Variants in NRG4 observed in about 807,000 individuals in gnomAD.
NRG4 encodes neuregulin 4.
Under a neutral mutation model 15.0 loss-of-function variants are expected in NRG4, and 10 were observed. The observed-to-expected ratio is 0.67, with a 90% confidence interval of 0.41 to 1.13. The LOEUF (loss-of-function observed/expected upper bound fraction) is 1.13, where lower values mean the gene tolerates loss of function less well. Among genes scored for constraint, NRG4 ranks in the 50% most tolerant of loss-of-function variants. The pLI is 0.00. For synonymous variants in NRG4, 41 were observed against 50.1 expected (o/e 0.82, Z 0.77); for missense variants, 139 against 140.2 (o/e 0.99, Z 0.04).
chr15:76,018,930 C>A (rs1207098932), intron 5 of NRG4, among the ~76,000 whole-genome samples: 1 of 152,130 alleles, frequency 6.6e-6, no homozygotes, highest in African/African-American at 2.4e-5. Flanking sequence ...GTGCCCACAG[C>A]CACCCCTTCC....
At position 76,043,894 on chromosome 15, in the gene NRG4, A is replaced by T. The variant is rs1406931122; in HGVS notation, c.-104-7903T>A. ...ATTACCTGACTTCAAATTACACTAC[A>T]GACCTACTGTAACCAAAACAGCATG... On this transcript the variant is annotated intron_variant, in intron 4 of 8. Transcript: ENST00000563910. Among the ~76,000 whole-genome samples, 6 of 152,292 alleles carry T rather than the reference A, an allele frequency of 3.9e-5. No homozygotes were observed. In the South Asian group the frequency reaches 8.3e-4, roughly 21 times the overall value.
chr15:76,023,418 C>A (rs1441224998), intron 5 of NRG4, among the ~76,000 whole-genome samples: 1 of 152,166 alleles, frequency 6.6e-6, no homozygotes, highest in African/African-American at 2.4e-5. Flanking sequence ...AAATGGTAAG[C>A]AGAAGAATCT....
At chr15:75,965,923 C>T (rs1374691580) in intron 3 of NRG4, among the ~76,000 whole-genome samples, 1 of 152,172 alleles carries the variant, frequency 6.6e-6, no homozygotes, top group Non-Finnish European at 1.5e-5. Context: ...ACTTCTGGAC[C>T]TTACTTCTGC....
chr15:76,041,835 T>A (rs1312649653), intron 4 of NRG4, among the ~76,000 whole-genome samples: 2 of 152,130 alleles, frequency 1.3e-5, no homozygotes, highest in Non-Finnish European at 2.9e-5. Context: ...ATGGACCAAA[T>A]AGATACTTAT....
intron 5 of NRG4, among the ~76,000 whole-genome samples, chr15:76,025,963 T>C (rs1019029990): frequency 6.7e-5 from 10 of 148,926 alleles, no homozygotes; most frequent in African/African-American, 2.5e-4. Flanking sequence ...TGAAGACAGG[T>C]CTTTTGAAGT....
At chr15:75,945,395 C>A (rs560510590) in intron 5 of NRG4, among the ~76,000 whole-genome samples, 1 of 151,546 alleles carries the variant, frequency 6.6e-6, no homozygotes, top group African/African-American at 2.4e-5. Flanking sequence ...GGATTACAGG[C>A]GCCCGCCACT....
chr15:76,014,525 G>T (rs2034916601), upstream of NRG4, among the ~76,000 whole-genome samples: 1 of 152,128 alleles, frequency 6.6e-6, no homozygotes, highest in Non-Finnish European at 1.5e-5. Context: ...TTTATATGAG[G>T]TGTAAGGAAG....
chr15:76,002,497 T>A (rs1046587324), intron 3 of NRG4, among the ~76,000 whole-genome samples: 3 of 152,150 alleles, frequency 2.0e-5, no homozygotes, highest in African/African-American at 4.8e-5. Context: ...CCTAGCCATA[T>A]CAGTAAGTTC....
chr15:75,981,128 T>C (rs374489314), intron 3 of NRG4, among the ~76,000 whole-genome samples: 1 of 152,212 alleles, frequency 6.6e-6, no homozygotes, highest in South Asian at 2.1e-4. Context: ...AGTGGCCCTA[T>C]GACTTGCTTT....
intron 3 of NRG4, among the ~76,000 whole-genome samples, chr15:75,967,019 G>A (rs558043520): frequency 6.6e-6 from 1 of 151,324 alleles, no homozygotes; most frequent in African/African-American, 2.4e-5. Context: ...GGAGGCTGAG[G>A]CAGGGAATTG....
At chr15:75,988,924 C>G (rs182222705) in intron 3 of NRG4, among the ~76,000 whole-genome samples, 26 of 141,342 alleles carry the variant, frequency 1.8e-4, no homozygotes, top group Middle Eastern at 4.0e-3. Flanking sequence ...GTGGTGTCAT[C>G]ATAACTCACT....
intron 4 of NRG4, among the ~76,000 whole-genome samples, chr15:76,039,381 G>A (rs926899253): frequency 6.6e-6 from 1 of 152,106 alleles, no homozygotes; most frequent in Non-Finnish European, 1.5e-5. Flanking sequence ...CACAGAGAAG[G>A]AATGCAGAAT....
intron 3 of NRG4, among the ~76,000 whole-genome samples, chr15:75,995,845 C>T (rs2034194739): frequency 6.6e-6 from 1 of 152,160 alleles, no homozygotes; most frequent in African/African-American, 2.4e-5. Context: ...CAGAGGCAAA[C>T]ATCGGCAGTG....
intron 3 of NRG4, among the ~76,000 whole-genome samples, chr15:75,996,224 G>A (rs2034209290): frequency 1.3e-5 from 2 of 152,120 alleles, no homozygotes; most frequent in African/African-American, 2.4e-5. Flanking sequence ...AGCTCTGTAA[G>A]CCTAATCAAT....
chr15:75,996,344 C>T (rs543585509), intron 3 of NRG4, among the ~76,000 whole-genome samples: 1 of 152,282 alleles, frequency 6.6e-6, no homozygotes, highest in African/African-American at 2.4e-5. Flanking sequence ...TCACACAGTA[C>T]TCATTGGGGC....
At chr15:76,012,728 T>A (rs2034855184), upstream of NRG4, among the ~76,000 whole-genome samples, 1 of 152,150 alleles carries the variant, frequency 6.6e-6, no homozygotes, top group Non-Finnish European at 1.5e-5. Flanking sequence ...AATAGATAAG[T>A]GTTTCACAAA....
At chr15:75,936,630 A>G (rs1158653983), downstream of NRG4, 1 of 152,050 alleles carries the variant, frequency 6.6e-6, no homozygotes, top group Admixed American at 6.5e-5. Context: ...GCTGGAGTAT[A>G]ATGGCACAAT....
At chr15:75,976,883 C>G (rs1243737287) in intron 3 of NRG4, among the ~76,000 whole-genome samples, 2 of 152,204 alleles carry the variant, frequency 1.3e-5, no homozygotes, top group African/African-American at 4.8e-5. Context: ...CTGCTCTCTT[C>G]AGAGCCACCA....
chr15:75,986,295 A>G (rs746980091), intron 3 of NRG4, among the ~76,000 whole-genome samples: 13 of 152,208 alleles, frequency 8.5e-5, no homozygotes, highest in Non-Finnish European at 1.6e-4. Flanking sequence ...TACCAAAATT[A>G]ATATGCATAT....
Sources: allele counts gnomAD v4.1 joint callset (sites outside exome capture counted in the v4.1 genomes callset), GRCh38; gene constraint gnomAD v4.1.1; transcripts MANE v1.5; gene names NCBI Gene and HGNC (gene_info 2026-07-23, HGNC 2026-07-21).